The following SETD3 variants were observed in gnomAD, a reference collection of about 807,000 sequenced individuals.
SETD3 encodes the protein actin-histidine N-methyltransferase.
A neutral mutation model predicts 63.0 loss-of-function variants in SETD3; 19 were observed. The observed-to-expected ratio is 0.30, with a 90% CI of 0.21 to 0.44. The LOEUF (loss-of-function observed/expected upper bound fraction) is 0.44. Ranked by LOEUF, SETD3 falls within the 20% of genes least tolerant of loss-of-function variation. The pLI is 1.00. For missense variants in SETD3, 587 were observed against 728.5 expected, an observed-to-expected ratio of 0.81 and a Z score of 2.24; for synonymous variants, 286 against 264.1, an observed-to-expected ratio of 1.08 and a Z score of -0.80.
intron 6 of SETD3, among the ~76,000 whole-genome samples, chr14:99,419,170 T>C (rs1022563062): frequency 6.6e-6 from 1 of 152,234 alleles, no homozygotes; most frequent in African/African-American, 2.4e-5. Context: ...TCAGGGAATT[T>C]TTCATCATAA....
intron 6 of SETD3, among the ~76,000 whole-genome samples, chr14:99,455,259 GT>G (rs1403386712): frequency 6.6e-6 from 1 of 152,186 alleles, no homozygotes; most frequent in Non-Finnish European, 1.5e-5. Context: ...TTCCTGTGAA[GT>G]CCCCCAGCTA....
In SETD3 at chr14:99,465,785, T is replaced by C; in HGVS notation, c.21A>G (p.Val7=). 3 of 1,614,002 alleles carry C rather than the reference T, an allele frequency of 1.9e-6. No homozygotes were observed. Among genetic ancestry groups the C allele is most frequent in the African/African-American group, 1.3e-5 (1 of 75,040 alleles). Residue 7 remains valine, a synonymous_variant, in exon 2 of 13, where the codon GTA becomes GTG. Coordinates refer to ENST00000331768, the MANE Select transcript of SETD3 (RefSeq NM_032233.3). Reference sequence around the variant, plus strand: ...CACCAGTGCCAGATTTCTGAGTTTTTACTCGACTCTTCTTACCCATTTTTC... The same window carrying C: ...CACCAGTGCCAGATTTCTGAGTTTTCACTCGACTCTTCTTACCCATTTTTC... MGKKSR[V]KTQKSGTGAT... is the part of the protein sequence containing the mutation.
chr14:99,408,208 T>C (rs1369771587), intron 8 of SETD3, among the ~76,000 whole-genome samples: 2 of 152,182 alleles, frequency 1.3e-5, no homozygotes, highest in East Asian at 3.9e-4. Flanking sequence ...CAAGAATAAA[T>C]ATGGTTTATT....
At chr14:99,401,088 G>C (rs1227390020) in intron 11 of SETD3, among the ~76,000 whole-genome samples, 1 of 151,016 alleles carries the variant, frequency 6.6e-6, no homozygotes, top group Non-Finnish European at 1.5e-5. Context: ...GCAGTGAGCT[G>C]TGATCGCACC....
intron 8 of SETD3, 131 bp downstream of exon 8, chr14:99,412,820 G>A: frequency 7.6e-6 from 5 of 658,128 alleles, no homozygotes; most frequent in South Asian, 1.9e-5. Context: ...TGGCCGGTTC[G>A]GTTTTGTTTG....
upstream of SETD3, among the ~76,000 whole-genome samples, chr14:99,481,852 T>C (rs1896338454): frequency 6.6e-6 from 1 of 152,252 alleles, no homozygotes; most frequent in Admixed American, 6.5e-5. Flanking sequence ...TTTCGCGGCG[T>C]ATTAGTCCCA....
chr14:99,485,246 C>G (rs757885645), upstream of SETD3, among the ~76,000 whole-genome samples: 4 of 152,202 alleles, frequency 2.6e-5, no homozygotes, highest in Non-Finnish European at 4.4e-5. Context: ...AATATACTTA[C>G]GATTTATCCG....
Position 99,406,678 on chromosome 14 carries a change from G to A in SETD3, c.850-88C>T. Reference sequence around the variant, plus strand: ...ACAAGCTTGTTTCTGGCAATCAGAGGAAAAAGGGGATCCCAAGGTACTCAA... The same window carrying A: ...ACAAGCTTGTTTCTGGCAATCAGAGAAAAAAGGGGATCCCAAGGTACTCAA... On this transcript the variant is annotated intron_variant, in intron 8 of 12. Transcript: ENST00000331768. The A allele has an allele frequency of 6.1e-6, 8 of 1,303,580 alleles. No individual in the cohort carries two copies. The Admixed American group carries it at 7.5e-5, about 12-fold the overall frequency. The allele number at this position is 1,303,580 out of a possible 1,614,324, so 80.8% of individuals were successfully genotyped here.
chr14:99,402,306 T>C (rs1057039615), intron 11 of SETD3, among the ~76,000 whole-genome samples: 7 of 152,248 alleles, frequency 4.6e-5, no homozygotes, highest in Non-Finnish European at 7.3e-5. Flanking sequence ...CAATGTGGGA[T>C]GTCCTGCACG....
At chr14:99,413,202 G>A (rs1022307156) in intron 7 of SETD3, 137 bp from the exon 8 acceptor site, 6 of 606,562 alleles carry the variant, frequency 9.9e-6, no homozygotes, top group South Asian at 4.1e-5. Context: ...GGTAATGTTT[G>A]GCCTTCATCA....
intron 1 of SETD3, among the ~76,000 whole-genome samples, chr14:99,468,156 TAAAAAAA>T (rs34626094): frequency 1.5e-5 from 2 of 131,948 alleles, no homozygotes; most frequent in Admixed American, 7.6e-5. Flanking sequence ...AATACAGATT[TAAAAAAA>T]AAAAAAAAAA....
chr14:99,482,063 TC>T (rs1227483435), upstream of SETD3, among the ~76,000 whole-genome samples: 1 of 152,214 alleles, frequency 6.6e-6, no homozygotes, highest in African/African-American at 2.4e-5. Context: ...GAGAAATTGT[TC>T]TTTAGAAAAT....
intron 6 of SETD3, among the ~76,000 whole-genome samples, chr14:99,432,498 A>G (rs1304568631): frequency 6.6e-6 from 1 of 152,246 alleles, no homozygotes; most frequent in South Asian, 2.1e-4. Flanking sequence ...GCCACCAAAA[A>G]GCAAAACTTC....
At chr14:99,439,465 T>G (rs1893666304) in intron 6 of SETD3, among the ~76,000 whole-genome samples, 1 of 152,082 alleles carries the variant, frequency 6.6e-6, no homozygotes, top group South Asian at 2.1e-4. Context: ...GATAAACTTC[T>G]AGAAGGCAAG....
chr14:99,428,004 C>A (rs1892977014), intron 6 of SETD3, among the ~76,000 whole-genome samples: 1 of 152,120 alleles, frequency 6.6e-6, no homozygotes, highest in Non-Finnish European at 1.5e-5. Context: ...GAAAGGAGGG[C>A]TTGTTAAGGG....
In SETD3 at chr14:99,399,140, C is replaced by A. The variant is rs770253916; in HGVS notation, c.1339-15G>T. The A allele has an allele frequency of 1.2e-6, 2 of 1,608,058 alleles. No homozygotes were observed. Among genetic ancestry groups the A allele is most frequent in the African/African-American group, 2.7e-5 (2 of 74,666 alleles). On this transcript the variant is annotated splice_polypyrimidine_tract_variant and intron_variant, in intron 12 of 12. Transcript: ENST00000331768. ...GATTTATCTTCCTGGAAAACAAGAG[C>A]AAAATTAATTACAAGAAGTCTAAAC...
chr14:99,481,099 C>T (rs1222927692), upstream of SETD3: 1 of 246,442 alleles, frequency 4.1e-6, no homozygotes, highest in Non-Finnish European at 7.7e-6. Context: ...CGTTCGCCCC[C>T]GCCAGAGCTT....
intron 1 of SETD3, among the ~76,000 whole-genome samples, chr14:99,479,609 GGT>G (rs1896156597): frequency 6.6e-6 from 1 of 152,098 alleles, no homozygotes; most frequent in Non-Finnish European, 1.5e-5. Flanking sequence ...GAGAGGGAGA[GGT>G]ATATTTTACA....
intron 8 of SETD3, chr14:99,412,674 G>T: frequency 3.1e-6 from 1 of 318,074 alleles, no homozygotes; most frequent in East Asian, 5.2e-5. Context: ...GTTGAGGCTG[G>T]AATTATGGCT....
Sources: gnomAD v4.1 joint callset for allele counts (sites outside exome capture counted in the v4.1 genomes callset) on GRCh38, gnomAD v4.1.1 for gene constraint, MANE v1.5 for transcripts, NCBI Gene and HGNC (gene_info 2026-07-23, HGNC 2026-07-21) for gene names.